Variants in ABHD18 observed in about 807,000 individuals in gnomAD.
ABHD18 encodes the protein abhydrolase domain containing 18, also known as cardiolipin-specific deacylase, mitochondrial.
In ABHD18, 55 loss-of-function variants were observed where a neutral mutation model predicts 65.9. The observed-to-expected ratio is 0.84, with a 90% CI of 0.67 to 1.05. The LOEUF is 1.05. Among genes scored for constraint, ABHD18 ranks in the 50% least tolerant of loss-of-function variants. ABHD18 has a pLI of 0.00. For synonymous variants in ABHD18, 181 were observed against 180.2 expected (o/e 1.00, Z -0.04); for missense variants, 533 against 558.5 (o/e 0.95, Z 0.46).
chr4:127,979,511 C>T (rs761809564), intron 1 of ABHD18, among the ~76,000 whole-genome samples: 8 of 152,046 alleles, frequency 5.3e-5, no homozygotes, highest in Non-Finnish European at 1.2e-4. Flanking sequence ...GCTGAGATTG[C>T]GCCACTGCAC....
chr4:127,981,201 C>A (rs1748980749), intron 1 of ABHD18, among the ~76,000 whole-genome samples: 1 of 152,138 alleles, frequency 6.6e-6, no homozygotes, highest in Non-Finnish European at 1.5e-5. Flanking sequence ...ATAGGTTTGT[C>A]AGGGTATTAA....
intron 1 of ABHD18, among the ~76,000 whole-genome samples, chr4:127,968,003 C>T (rs1182648550): frequency 1.3e-5 from 2 of 151,992 alleles, no homozygotes; most frequent in African/African-American, 2.4e-5. Context: ...GGGCGGATCA[C>T]GAGGTCAGGA....
intron 4 of ABHD18, among the ~76,000 whole-genome samples, chr4:128,007,705 C>T (rs1344854160): frequency 6.7e-6 from 1 of 148,580 alleles, no homozygotes; most frequent in Non-Finnish European, 1.5e-5. Context: ...CATGCCACGG[C>T]ACTCCATCCT....
intron 1 of ABHD18, among the ~76,000 whole-genome samples, chr4:127,970,235 G>A (rs867148436): frequency 2.0e-5 from 3 of 151,780 alleles, no homozygotes; most frequent in African/African-American, 7.3e-5. Flanking sequence ...TCTACTTATT[G>A]TTATTGATGC....
intron 1 of ABHD18, among the ~76,000 whole-genome samples, chr4:127,967,262 G>C (rs185360812): frequency 6.6e-6 from 1 of 151,790 alleles, no homozygotes; most frequent in African/African-American, 2.4e-5. Context: ...GGGGGGAATT[G>C]TCTCATGTGT....
chr4:127,972,516 T>C (rs1454988591), intron 1 of ABHD18, among the ~76,000 whole-genome samples: 1 of 140,796 alleles, frequency 7.1e-6, no homozygotes, highest in Non-Finnish European at 1.5e-5. Context: ...AGACCAGATA[T>C]ACTCTTTTTT....
At chr4:127,984,703 A>T (rs1488693233) in intron 3 of ABHD18, among the ~76,000 whole-genome samples, 1 of 152,146 alleles carries the variant, frequency 6.6e-6, no homozygotes, top group African/African-American at 2.4e-5. Flanking sequence ...CTTAAAAAAA[A>T]TACAAAATTA....
chr4:128,018,498 G>A (rs1340971393), intron 8 of ABHD18, among the ~76,000 whole-genome samples: 1 of 152,022 alleles, frequency 6.6e-6, no homozygotes, highest in Non-Finnish European at 1.5e-5. Flanking sequence ...AATTAGCCAG[G>A]CATGGTGGCA....
intron 4 of ABHD18, 107 bp from the exon 5 acceptor site, chr4:128,008,813 A>T (rs768387255): frequency 5.5e-6 from 4 of 727,760 alleles, no homozygotes; most frequent in Middle Eastern, 3.9e-4. Flanking sequence ...ATTTCGACTG[A>T]TCTTTTCTGT....
intron 7 of ABHD18, 129 bp downstream of exon 7, chr4:128,011,829 T>G: frequency 6.0e-6 from 3 of 497,092 alleles, no homozygotes; most frequent in Admixed American, 3.8e-5. Context: ...GGAGTTCTGT[T>G]ATGAAACTGT....
chr4:128,017,209 C>G, intron 7 of ABHD18, 154 bp from the exon 8 acceptor site: 2 of 689,698 alleles, frequency 2.9e-6, no homozygotes, highest in Non-Finnish European at 4.7e-6. Context: ...TAAGCCATCA[C>G]GCCTGGCCCT....
chr4:127,985,762 G>C (rs187526579), intron 3 of ABHD18, among the ~76,000 whole-genome samples: 74 of 152,156 alleles, frequency 4.9e-4, no homozygotes, highest in African/African-American at 1.8e-3. Context: ...CCAGCACTTT[G>C]GGAGGCCAAG....
chr4:128,034,355 G>A (rs1006569678), intron 12 of ABHD18, among the ~76,000 whole-genome samples: 15 of 152,134 alleles, frequency 9.9e-5, no homozygotes, highest in African/African-American at 3.4e-4. Context: ...CCTATGTTTT[G>A]GATTTTCTGA....
At chr4:127,994,583 G>C (rs575915472) in intron 4 of ABHD18, among the ~76,000 whole-genome samples, 1 of 151,946 alleles carries the variant, frequency 6.6e-6, no homozygotes, top group African/African-American at 2.4e-5. Flanking sequence ...CAAGAATTCC[G>C]TCTCAAAACA....
In ABHD18 at chr4:128,037,635, AC is replaced by A. The variant is rs1759001468; in HGVS notation, c.*1824del. 6.6e-6 allele frequency: 1 copy of A among 151,880 alleles called. No homozygotes were observed. The highest frequency in any genetic ancestry group is 6.6e-5 in the Admixed American group (1 of 15,226). 9.4% of individuals were successfully genotyped at this position (151,880 alleles called of 1,614,324 possible). On this transcript the variant is annotated 3_prime_UTR_variant, in exon 13 of 13. Transcript: ENST00000645843. Reference sequence around the variant, plus strand: ...TTATAGGTTTGAGCCACCACACCCGACCTGACATTTTATTTTTATTTTTTTA... The same window carrying A: ...TTATAGGTTTGAGCCACCACACCCGACTGACATTTTATTTTTATTTTTTTA...
intron 6 of ABHD18, among the ~76,000 whole-genome samples, chr4:128,009,864 A>G (rs1419476571): frequency 5.3e-5 from 8 of 152,238 alleles, no homozygotes; most frequent in African/African-American, 1.4e-4. Flanking sequence ...TAACAAAAAC[A>G]TGTTTGTATA....
chr4:127,968,497 T>G (rs1579088952), intron 1 of ABHD18, among the ~76,000 whole-genome samples: 1 of 152,342 alleles, frequency 6.6e-6, no homozygotes, highest in African/African-American at 2.4e-5. Flanking sequence ...ATCACCAATG[T>G]AAGGATAAAA....
intron 4 of ABHD18, among the ~76,000 whole-genome samples, chr4:128,004,712 A>G (rs530692937): frequency 2.0e-5 from 3 of 150,748 alleles, no homozygotes; most frequent in Admixed American, 2.0e-4. Flanking sequence ...GGAGTTCGAG[A>G]CCAGCCTGGG....
chr4:127,971,652 G>A (rs762265583), intron 1 of ABHD18, among the ~76,000 whole-genome samples: 4 of 151,636 alleles, frequency 2.6e-5, no homozygotes, highest in Non-Finnish European at 4.4e-5. Flanking sequence ...CACCACGCCC[G>A]GCTAGTTTTT....
Sources: allele counts gnomAD v4.1 joint callset (sites outside exome capture counted in the v4.1 genomes callset), GRCh38; gene constraint gnomAD v4.1.1; transcripts MANE v1.5; gene names NCBI Gene and HGNC (gene_info 2026-07-23, HGNC 2026-07-21).